The following CLEC16A variants were observed in gnomAD, a reference collection of about 807,000 sequenced individuals.
The protein encoded by CLEC16A is protein CLEC16A.
A neutral mutation model predicts 109.5 loss-of-function variants in CLEC16A; 51 were observed. That is an observed-to-expected ratio of 0.47 (90% CI 0.37 to 0.59). The LOEUF (loss-of-function observed/expected upper bound fraction) is 0.59. CLEC16A is among the 20% of genes least tolerant of loss of function. The probability of loss-of-function intolerance (pLI) is 0.00; values close to 1 mark genes in which losing one functional copy is unlikely to be tolerated. For missense variants in CLEC16A, 1,339 were observed against 1,394.0 expected (o/e 0.96, Z 0.63); for synonymous variants, 673 against 564.2 (o/e 1.19, Z -2.73).
chr16:11,173,926 C>T (rs1380015632), intron 23 of CLEC16A, among the ~76,000 whole-genome samples: 3 of 152,100 alleles, frequency 2.0e-5, no homozygotes, highest in Non-Finnish European at 2.9e-5. Context: ...TGGTTCTCAG[C>T]GATCCCGACC....
At chr16:11,007,135 A>T (rs780452971) in intron 11 of CLEC16A, among the ~76,000 whole-genome samples, 2 of 152,166 alleles carry the variant, frequency 1.3e-5, no homozygotes, top group Non-Finnish European at 2.9e-5. Context: ...TCATGTAAAA[A>T]TAGGGCTGGA....
At chr16:10,999,535 A>C (rs2044537414) in intron 10 of CLEC16A, among the ~76,000 whole-genome samples, 1 of 152,190 alleles carries the variant, frequency 6.6e-6, no homozygotes, top group Non-Finnish European at 1.5e-5. Flanking sequence ...CAGTCTTCTT[A>C]GATTCCCACC....
chr16:11,078,345 T>G (rs1012529236), intron 19 of CLEC16A, among the ~76,000 whole-genome samples: 1 of 152,166 alleles, frequency 6.6e-6, no homozygotes. Context: ...GCATAGCCAG[T>G]GTTGAGAACC....
intron 10 of CLEC16A, among the ~76,000 whole-genome samples, chr16:10,984,924 G>T (rs1306949611): frequency 6.6e-6 from 1 of 152,124 alleles, no homozygotes; most frequent in Non-Finnish European, 1.5e-5. Context: ...AGTGCCCGCT[G>T]GGCACGGTGG....
At chr16:11,030,026 T>C (rs1028038603) in intron 13 of CLEC16A, among the ~76,000 whole-genome samples, 6 of 152,246 alleles carry the variant, frequency 3.9e-5, no homozygotes, top group Admixed American at 2.6e-4. Flanking sequence ...CACTTAATTA[T>C]TTTGAGATCC....
chr16:11,177,228 A>G (rs1318855405), intron 23 of CLEC16A, among the ~76,000 whole-genome samples: 2 of 152,328 alleles, frequency 1.3e-5, no homozygotes, highest in South Asian at 2.1e-4. Context: ...GTTTTCCACA[A>G]TGAATTCCAG....
intron 10 of CLEC16A, among the ~76,000 whole-genome samples, chr16:10,992,398 G>A (rs577865340): frequency 6.6e-6 from 1 of 151,986 alleles, no homozygotes; most frequent in East Asian, 1.9e-4. Flanking sequence ...AGTTTTGAAT[G>A]TTCTCACCAC....
rs1454408888 is a variant in CLEC16A, at chr16:10,954,634, T to G, written c.81-3148T>G. ...AACCTGCTCAGGATCACCCAGCTAA[T>G]AAGTGATGGAGGTGTGCTCAGACCC... On this transcript the variant is annotated intron_variant, in intron 1 of 23. Coordinates refer to ENST00000409790, the MANE Select transcript of CLEC16A (RefSeq NM_015226.3). This position sits in a 1 kb window ranked among gnomAD's most constrained non-coding sequence, Gnocchi z 4.2. Among the ~76,000 whole-genome samples, 1 of 152,194 alleles carries G rather than the reference T, an allele frequency of 6.6e-6. No homozygotes were observed. The highest frequency in any genetic ancestry group is 2.4e-5 in the African/African-American group (1 of 41,442).
At chr16:11,052,711 G>T (rs2048012867) in intron 18 of CLEC16A, among the ~76,000 whole-genome samples, 1 of 152,162 alleles carries the variant, frequency 6.6e-6, no homozygotes, top group Non-Finnish European at 1.5e-5. Context: ...TGGAGGACTG[G>T]TTCTGACAGA....
chr16:11,137,094 CAG>C (rs2053602780), intron 22 of CLEC16A, among the ~76,000 whole-genome samples: 1 of 152,200 alleles, frequency 6.6e-6, no homozygotes, highest in East Asian at 1.9e-4. Flanking sequence ...CAGAAGTCAT[CAG>C]AGAGCATGAC....
intron 10 of CLEC16A, among the ~76,000 whole-genome samples, chr16:10,987,165 T>G (rs958788311): frequency 6.7e-6 from 1 of 148,986 alleles, no homozygotes; most frequent in African/African-American, 2.5e-5. Context: ...TTTTATGCAG[T>G]TTTTTTTTTA....
At chr16:11,081,201 T>C (rs1270880883) in intron 19 of CLEC16A, among the ~76,000 whole-genome samples, 1 of 152,180 alleles carries the variant, frequency 6.6e-6, no homozygotes, top group East Asian at 1.9e-4. Flanking sequence ...CGGTGCAGGG[T>C]GGAGGCATGC....
At chr16:11,050,537 G>C (rs1162094031) in intron 17 of CLEC16A, among the ~76,000 whole-genome samples, 1 of 152,222 alleles carries the variant, frequency 6.6e-6, no homozygotes, top group Admixed American at 6.5e-5. Context: ...TGTGAAGCCA[G>C]GGAAATGAAA....
At chr16:11,154,041 A>G (rs2054404629) in intron 22 of CLEC16A, among the ~76,000 whole-genome samples, 1 of 152,250 alleles carries the variant, frequency 6.6e-6, no homozygotes, top group Non-Finnish European at 1.5e-5. Context: ...TGAAAGGATG[A>G]ATGTAGCTGG....
chr16:11,140,921 T>C (rs1311287218), intron 22 of CLEC16A, among the ~76,000 whole-genome samples: 1 of 152,212 alleles, frequency 6.6e-6, no homozygotes, highest in African/African-American at 2.4e-5. Context: ...CAAATGGGGC[T>C]GATGATAGGA....
rs564071914 is a variant in CLEC16A at position 11,124,344 on chromosome 16, C to A, written c.2473+398C>A. ...TCTGCCCATTTTACGGAGAAGGAAA[C>A]AGGCTCAGGGACTTGCCCAAAGTCA... On this transcript the variant is annotated intron_variant, in intron 21 of 23. Coordinates refer to ENST00000409790, the MANE Select transcript of CLEC16A (RefSeq NM_015226.3). Among the ~76,000 whole-genome samples, 6 of 152,342 alleles carry A rather than the reference C, an allele frequency of 3.9e-5. No individual in the cohort carries two copies. In the East Asian group the frequency reaches 1.2e-3, roughly 29 times the overall value.
chr16:10,952,216 G>A (rs767207532), intron 1 of CLEC16A, among the ~76,000 whole-genome samples: 5 of 152,200 alleles, frequency 3.3e-5, no homozygotes, highest in Admixed American at 1.3e-4. Flanking sequence ...AAAATGGGCC[G>A]GGTGAGTTGG....
rs1042103925 is a variant in CLEC16A at position 10,944,612 on chromosome 16, C to A, written c.-106C>A. 154 of 1,116,588 alleles carry A rather than the reference C, an allele frequency of 1.4e-4. 1 individual carries two copies. In the Admixed American group the frequency reaches 3.3e-3, roughly 24 times the overall value. 69.2% of individuals were successfully genotyped at this position (1,116,588 alleles called of 1,614,324 possible). ...GGAAGGCGGCTCGCGGTTCCTCCAC[C>A]GCCTCCGCCGCCGCATCCTCCGCTT... On this transcript the variant is annotated 5_prime_UTR_variant, in exon 1 of 24. Coordinates refer to ENST00000409790, the MANE Select transcript of CLEC16A (RefSeq NM_015226.3).
rs575409948 is a variant in CLEC16A at position 11,020,396 on chromosome 16, C to T, written c.1436+71C>T. 5.4e-6 allele frequency: 8 copies of T among 1,483,250 alleles called. No individual in the cohort carries two copies. In the African/African-American group the frequency reaches 8.4e-5, roughly 16 times the overall value. The allele number at this position is 1,483,250 out of a possible 1,614,324, so 91.9% of individuals were successfully genotyped here. Reference sequence around the variant, plus strand: ...GAGAGGGCTCAGTGGGGAGGTTGAGCCCTAGGGCCAGAGCCTCTTCTGTCC... The same window carrying T: ...GAGAGGGCTCAGTGGGGAGGTTGAGTCCTAGGGCCAGAGCCTCTTCTGTCC... On this transcript the variant is annotated intron_variant, in intron 12 of 23. Transcript: ENST00000409790.
Sources: allele counts gnomAD v4.1 joint callset (sites outside exome capture counted in the v4.1 genomes callset), GRCh38; gene constraint gnomAD v4.1.1; non-coding constraint Gnocchi (gnomAD v3.1); transcripts MANE v1.5; gene names NCBI Gene and HGNC (gene_info 2026-07-23, HGNC 2026-07-21).